SPEF2: variants seen among roughly 807,000 people sequenced by gnomAD.
SPEF2 encodes the protein sperm flagellar and cilia associated 2.
SPEF2 carries 187 observed loss-of-function variants against 224.6 expected under a neutral mutation model. The ratio of observed to expected loss-of-function variants is 0.83; its 90% CI spans 0.74 to 0.94. The LOEUF (loss-of-function observed/expected upper bound fraction) is 0.94. Ranked by LOEUF, SPEF2 falls within the 40% of genes least tolerant of loss-of-function variation. The pLI is 0.00. For missense variants in SPEF2, 2,170 were observed against 2,135.6 expected (o/e 1.02, Z -0.32); for synonymous variants, 715 against 707.3 (o/e 1.01, Z -0.17).
intron 6 of SPEF2, among the ~76,000 whole-genome samples, chr5:35,652,853 CAA>C (rs1166285411): frequency 6.6e-6 from 1 of 151,992 alleles, no homozygotes; most frequent in Non-Finnish European, 1.5e-5. Context: ...GAATTGATGA[CAA>C]GTCTCTACAC....
rs1561289326 is a variant in SPEF2, at chr5:35,740,281, G to T, written c.3330+14G>T. ...CAACGAGTGAATGTAAGGAAATAGT[G>T]ACCTATTGGGACAGGGTTAGCTGGC... On this transcript the variant is annotated intron_variant, in intron 23 of 36. Transcript: ENST00000356031. 1.2e-6 allele frequency: 2 copies of T among 1,613,224 alleles called. No individual in the cohort carries two copies. Among genetic ancestry groups the T allele is most frequent in the East Asian group, 2.2e-5 (1 of 44,872 alleles).
chr5:35,807,384 A>G (rs1175477396), intron 36 of SPEF2, 131 bp downstream of exon 36: 2 of 1,347,856 alleles, frequency 1.5e-6, no homozygotes, highest in Non-Finnish European at 2.0e-6. Context: ...AATCTGGAGA[A>G]GCTAAGCTGG....
chr5:35,632,521 A>T (rs928539560), intron 2 of SPEF2, among the ~76,000 whole-genome samples: 1 of 152,156 alleles, frequency 6.6e-6, no homozygotes, highest in Non-Finnish European at 1.5e-5. Flanking sequence ...GCAGTTCAAG[A>T]TGAGATTTGG....
intron 10 of SPEF2, 184 bp downstream of exon 10, chr5:35,670,411 T>C: frequency 7.7e-7 from 1 of 1,298,904 alleles, no homozygotes; most frequent in Non-Finnish European, 9.7e-7. Context: ...CATAAGCTAT[T>C]ATCTATTGTT....
At chr5:35,716,702 T>C (rs1742648435) in intron 20 of SPEF2, among the ~76,000 whole-genome samples, 3 of 152,192 alleles carry the variant, frequency 2.0e-5, no homozygotes, top group Admixed American at 2.0e-4. Flanking sequence ...ATAAATCATG[T>C]GGTTTTGGAC....
Position 35,680,146 on chromosome 5 carries a change from T to C in SPEF2, c.1524+9919T>C, listed in dbSNP as rs186651003. ...TCCCTGTTAAGTCTCTGGCATAGTT[T>C]GTTAGAAAGACCCAAATTAATAAAC... On this transcript the variant is annotated intron_variant, in intron 10 of 36. Coordinates refer to ENST00000356031, the MANE Select transcript of SPEF2 (RefSeq NM_024867.4). Among the ~76,000 whole-genome samples, 10 of 152,348 alleles carry C rather than the reference T, an allele frequency of 6.6e-5. No homozygotes were observed. In the East Asian group the frequency reaches 1.7e-3, roughly 26 times the overall value.
At chr5:35,740,427 C>T (rs958288074) in intron 23 of SPEF2, among the ~76,000 whole-genome samples, 160 bp downstream of exon 23, 3 of 152,124 alleles carry the variant, frequency 2.0e-5, no homozygotes, top group African/African-American at 7.2e-5. Flanking sequence ...GTGGCTTTTC[C>T]GCACTTTGAG....
intron 5 of SPEF2, among the ~76,000 whole-genome samples, chr5:35,648,358 ATTAAAGT>A (rs1418823336): frequency 1.3e-5 from 2 of 150,894 alleles, no homozygotes; most frequent in African/African-American, 2.4e-5. Context: ...CCCTGAGTTG[ATTAAAGT>A]TTTTTTTTTG....
intron 28 of SPEF2, 80 bp downstream of exon 28, chr5:35,774,101 A>G (rs1580684537): frequency 1.3e-6 from 2 of 1,530,656 alleles, no homozygotes; most frequent in Non-Finnish European, 8.8e-7. Flanking sequence ...TGGCTCATCA[A>G]TTGCCTCAGA....
intron 27 of SPEF2, among the ~76,000 whole-genome samples, chr5:35,772,436 T>C (rs1224224880): frequency 6.6e-6 from 1 of 152,148 alleles, no homozygotes; most frequent in Non-Finnish European, 1.5e-5. Flanking sequence ...CAACCACAAT[T>C]CCTGCCCTAA....
At chr5:35,777,332 A>T (rs550991488) in intron 29 of SPEF2, among the ~76,000 whole-genome samples, 1 of 152,290 alleles carries the variant, frequency 6.6e-6, no homozygotes, top group South Asian at 2.1e-4. Context: ...AAGAAACATT[A>T]AACAGAATAA....
intron 2 of SPEF2, among the ~76,000 whole-genome samples, chr5:35,629,213 G>T (rs1207168363): frequency 7.2e-6 from 1 of 138,486 alleles, no homozygotes; most frequent in Non-Finnish European, 1.5e-5. Context: ...GAGTGCAGTG[G>T]TGTGATCTCG....
chr5:35,767,809 T>G (rs1752285405), intron 26 of SPEF2, among the ~76,000 whole-genome samples: 2 of 152,064 alleles, frequency 1.3e-5, no homozygotes, highest in African/African-American at 4.8e-5. Flanking sequence ...GATTTTTCAT[T>G]ATTGACCTAA....
chr5:35,638,771 C>G (rs1221964550), intron 2 of SPEF2, among the ~76,000 whole-genome samples: 1 of 152,076 alleles, frequency 6.6e-6, no homozygotes, highest in Non-Finnish European at 1.5e-5. Context: ...TTGTGAAGAT[C>G]CTGAAAGTTG....
chr5:35,700,476 G>A lies in SPEF2; in HGVS notation c.2142-20G>A. The A allele has an allele frequency of 6.3e-7, 1 of 1,598,886 alleles. No individual in the cohort carries two copies. Among genetic ancestry groups the A allele is most frequent in the African/African-American group, 1.3e-5 (1 of 74,372 alleles). On this transcript the variant is annotated intron_variant, in intron 15 of 36. Transcript: ENST00000356031. ...CTTGTGTCTAACAAAATATTCATGA[G>A]TTGTCCTGTTTCAATTTAGTGAGAT... is the stretch of plus-strand genomic sequence containing the variant.
intron 19 of SPEF2, chr5:35,710,363 CG>C (rs200106867): frequency 0.032 from 21,304 of 667,420 alleles, 1,255 homozygotes; most frequent in African/African-American, 0.2. Flanking sequence ...TTCGAGACCC[CG>C]CTGGCCAACA....
At chr5:35,785,639 C>G (rs1288393521) in intron 30 of SPEF2, among the ~76,000 whole-genome samples, 3 of 151,506 alleles carry the variant, frequency 2.0e-5, no homozygotes, top group Non-Finnish European at 2.9e-5. Context: ...CAGCACAACC[C>G]CCCCCCACCT....
At position 35,767,564 on chromosome 5, in the gene SPEF2, A is replaced by G. The variant is rs530012644; in HGVS notation, c.3801+3862A>G. The stretch of plus-strand genomic sequence containing the variant: ...TTTAGTGTGTGCTATTTCCAAGCTA[A>G]CATGGGGGGAAGATGAAATTTAAAA... On this transcript the variant is annotated intron_variant, in intron 26 of 36. Transcript: ENST00000356031. 3.3e-5 allele frequency among the ~76,000 whole-genome samples: 5 copies of G among 152,166 alleles called. No individual in the cohort carries two copies. The East Asian group carries it at 9.7e-4, about 29-fold the overall frequency.
intron 1 of SPEF2, among the ~76,000 whole-genome samples, chr5:35,623,105 T>C (rs932924576): frequency 1.3e-5 from 2 of 152,192 alleles, no homozygotes; most frequent in African/African-American, 4.8e-5. Flanking sequence ...GCAGGGCATC[T>C]CAGTAAGAGG....
Sources: allele counts gnomAD v4.1 joint callset (sites outside exome capture counted in the v4.1 genomes callset), GRCh38; gene constraint gnomAD v4.1.1; transcripts MANE v1.5; gene names NCBI Gene and HGNC (gene_info 2026-07-23, HGNC 2026-07-21).